Variants in PPP1R10 observed in about 807,000 individuals in gnomAD.
PPP1R10 encodes serine/threonine-protein phosphatase 1 regulatory subunit 10.
A neutral mutation model predicts 99.0 loss-of-function variants in PPP1R10; 15 were observed. That is an observed-to-expected ratio of 0.15 (90% CI 0.10 to 0.23). The LOEUF (loss-of-function observed/expected upper bound fraction) is 0.23, where lower values mean the gene tolerates loss of function less well. PPP1R10 is among the 10% of genes least tolerant of loss of function. PPP1R10 has a pLI of 1.00. For synonymous variants in PPP1R10, 430 were observed against 449.5 expected, an observed-to-expected ratio of 0.96 and a Z score of 0.55; for missense variants, 947 against 1,259.4, an observed-to-expected ratio of 0.75 and a Z score of 3.75.
Position 30,604,159 on chromosome 6 carries a change from C to A in PPP1R10, c.1357G>T (p.Asp453Tyr), listed in dbSNP as rs1157740347. 1 of 1,614,172 alleles carries A rather than the reference C, an allele frequency of 6.2e-7. No individual in the cohort carries two copies. Among genetic ancestry groups the A allele is most frequent in the Non-Finnish European group, 8.5e-7 (1 of 1,180,034 alleles). The change falls in exon 14 of 20, where the codon GAT (aspartate) becomes TAT (tyrosine). Residue 453 changes from aspartate (D) to tyrosine (Y), a missense_variant. Asp to Tyr is a radical substitution (Grantham distance 160, BLOSUM62 -3). Around this residue, in one of 10 missense-constraint regions of PPP1R10, gnomAD observed 50 missense variants for 78.6 expected, o/e 0.64. Transcript: ENST00000376511. The surrounding 1 kb of genome is among the most constrained non-coding windows in gnomAD (Gnocchi z 7.3). ...AFETARRLSH[D>Y]NMEEKVPWVC... ...CAGGGCACCTTCTCCTCCATGTTATCATGGCTCAGACGCCGCGCTGTCTCA... is the reference window on the plus strand; with the variant it reads ...CAGGGCACCTTCTCCTCCATGTTATAATGGCTCAGACGCCGCGCTGTCTCA...
rs1803996926 is a variant in PPP1R10 at position 30,606,758 on chromosome 6, A to G, written c.460+21T>C. On this transcript the variant is annotated intron_variant, in intron 7 of 19. Coordinates refer to ENST00000376511, the MANE Select transcript of PPP1R10 (RefSeq NM_002714.4). The surrounding 1 kb of genome is among the most constrained non-coding windows in gnomAD (Gnocchi z 6.3). ...AATAGGAAAGAAATAAATACAAAGG[A>G]TAAAGGACTAAGGAGCTTACCAGCA... 1.2e-6 allele frequency: 2 copies of G among 1,612,498 alleles called. No individual in the cohort carries two copies. The highest frequency in any genetic ancestry group is 1.7e-6 in the Non-Finnish European group (2 of 1,178,534).
chr6:30,610,456 C>A (rs1804447650), intron 2 of PPP1R10, among the ~76,000 whole-genome samples: 4 of 152,192 alleles, frequency 2.6e-5, no homozygotes, highest in Admixed American at 2.6e-4. Flanking sequence ...TCCTTTTTAT[C>A]TTAGCCCATT....
At chr6:30,603,183 T>C in intron 17 of PPP1R10, 27 bp downstream of exon 17, 1 of 1,590,342 alleles carries the variant, frequency 6.3e-7, no homozygotes, top group Non-Finnish European at 8.6e-7. Flanking sequence ...CCTCCCCCAG[T>C]CCCCTGGGGC....
Position 30,602,714 on chromosome 6 carries a change from G to C in PPP1R10, c.1958-23C>G. Reference sequence around the variant, plus strand: ...GACCTGTAAGGGGACAAAAAAGAGAGACAGTATCAGCTACCAGGAACTGCC... The same window carrying C: ...GACCTGTAAGGGGACAAAAAAGAGACACAGTATCAGCTACCAGGAACTGCC... On this transcript the variant is annotated intron_variant, in intron 18 of 19. Coordinates refer to ENST00000376511, the MANE Select transcript of PPP1R10 (RefSeq NM_002714.4). This position sits in a 1 kb window ranked among gnomAD's most constrained non-coding sequence, Gnocchi z 6.7. The C allele has an allele frequency of 6.2e-7, 1 of 1,601,702 alleles. No individual in the cohort carries two copies. The highest frequency in any genetic ancestry group is 8.5e-7 in the Non-Finnish European group (1 of 1,175,206).
Position 30,601,267 on chromosome 6 carries a change from T to A in PPP1R10, c.*282A>T, listed in dbSNP as rs1442572129. Reference sequence around the variant, plus strand: ...GGTAATACTGGAAAGGGGTTTGGGGTACAGGGCGAATCTTCTCAAAAAGTG... The same window carrying A: ...GGTAATACTGGAAAGGGGTTTGGGGAACAGGGCGAATCTTCTCAAAAAGTG... On this transcript the variant is annotated 3_prime_UTR_variant, in exon 20 of 20. Transcript: ENST00000376511. 4.2e-6 allele frequency: 2 copies of A among 477,280 alleles called. No homozygotes were observed. Among genetic ancestry groups the A allele is most frequent in the Non-Finnish European group, 7.5e-6 (2 of 267,810 alleles). The allele number at this position is 477,280 out of a possible 1,614,324, so 29.6% of individuals were successfully genotyped here.
In PPP1R10 at chr6:30,609,395, G is replaced by C. The variant is rs114938123; in HGVS notation, c.108-232C>G. ...TGGGGAGGAGAGCATCGCTGCCTCCGTAACACACAGGATGAATTCCATTCT... is the reference window on the plus strand; with the variant it reads ...TGGGGAGGAGAGCATCGCTGCCTCCCTAACACACAGGATGAATTCCATTCT... On this transcript the variant is annotated intron_variant, in intron 3 of 19. Coordinates refer to ENST00000376511, the MANE Select transcript of PPP1R10 (RefSeq NM_002714.4). This position sits in a 1 kb window ranked among gnomAD's most constrained non-coding sequence, Gnocchi z 4.5. 0.044 allele frequency among the ~76,000 whole-genome samples: 6,751 copies of C among 152,166 alleles called. 274 individuals carry two copies. Among genetic ancestry groups the C allele is most frequent in the African/African-American group, 0.11 (4,478 of 41,484 alleles).
rs202114050 is a variant in PPP1R10, at chr6:30,608,899, G to A, written c.210C>T (p.Gly70=). The change falls in exon 5 of 20, where the codon GGC becomes GGT. Residue 70 remains glycine (G), a synonymous_variant. Coordinates refer to ENST00000376511, the MANE Select transcript of PPP1R10 (RefSeq NM_002714.4). ...PEILVKFIDV[G]GYKLLNNWLT... ...GCCAATTGTTAAGAAGTTTGTAGCC[G>A]CCAACGTCAATAAATCTGCAGGCAG... is the stretch of plus-strand genomic sequence containing the variant. 1.8e-5 allele frequency: 29 copies of A among 1,614,110 alleles called. No individual in the cohort carries two copies. The East Asian group carries it at 2.9e-4, about 16-fold the overall frequency.
chr6:30,610,065 CTAAT>C (rs2127446851), intron 2 of PPP1R10, 110 bp from the exon 3 acceptor site: 3 of 697,266 alleles, frequency 4.3e-6, no homozygotes, highest in South Asian at 3.4e-5. Context: ...AGTATAATGA[CTAAT>C]TATTCAACTA....
chr6:30,601,493 G>C lies in PPP1R10; in HGVS notation c.*56C>G. 6.8e-7 allele frequency: 1 copy of C among 1,466,648 alleles called. No individual in the cohort carries two copies. Among genetic ancestry groups the C allele is most frequent in the East Asian group, 2.3e-5 (1 of 43,856 alleles). The allele number at this position is 1,466,648 out of a possible 1,614,324, so 90.9% of individuals were successfully genotyped here. On this transcript the variant is annotated 3_prime_UTR_variant, in exon 20 of 20. Coordinates refer to ENST00000376511, the MANE Select transcript of PPP1R10 (RefSeq NM_002714.4). Reference sequence around the variant, plus strand: ...GCCTCACAGAAGCCATAACAGGGTGGAAAGAGCGAGGCTGCAGTCCACAGG... The same window carrying C: ...GCCTCACAGAAGCCATAACAGGGTGCAAAGAGCGAGGCTGCAGTCCACAGG...
intron 2 of PPP1R10, among the ~76,000 whole-genome samples, chr6:30,613,553 T>C (rs967407797): frequency 2.6e-5 from 4 of 151,646 alleles, no homozygotes; most frequent in Admixed American, 6.6e-5. Context: ...CTCAGTCATT[T>C]TGCAAACCTG....
intron 2 of PPP1R10, among the ~76,000 whole-genome samples, chr6:30,612,118 C>A (rs960779256): frequency 1.3e-5 from 2 of 152,264 alleles, no homozygotes; most frequent in African/African-American, 2.4e-5. Flanking sequence ...CTCCCTCTCT[C>A]TATATATACA....
chr6:30,616,098 T>C (rs1172352072), intron 2 of PPP1R10, among the ~76,000 whole-genome samples: 1 of 152,216 alleles, frequency 6.6e-6, no homozygotes, highest in Non-Finnish European at 1.5e-5. Flanking sequence ...CTCTTGTATG[T>C]GAGCTCATTA....
intron 17 of PPP1R10, 84 bp downstream of exon 17, chr6:30,603,126 C>T: frequency 6.7e-7 from 1 of 1,499,850 alleles, no homozygotes; most frequent in Non-Finnish European, 9.3e-7. Context: ...GCCCTGTATT[C>T]TTCTGCATCT....
At chr6:30,615,226 T>C (rs1412229997) in intron 2 of PPP1R10, among the ~76,000 whole-genome samples, 1 of 138,408 alleles carries the variant, frequency 7.2e-6, no homozygotes, top group Non-Finnish European at 1.5e-5. Flanking sequence ...AACACCTTTT[T>C]AGTAAAAAAA....
Position 30,609,181 on chromosome 6 carries a change from G to A in PPP1R10, c.108-18C>T. Reference sequence around the variant, plus strand: ...TCATCAAACTGCAGAAGATGAGTTAGGGTTAGAAATGAAGCAGCCAGTATC... The same window carrying A: ...TCATCAAACTGCAGAAGATGAGTTAAGGTTAGAAATGAAGCAGCCAGTATC... On this transcript the variant is annotated intron_variant, in intron 3 of 19. Transcript: ENST00000376511. This position sits in a 1 kb window ranked among gnomAD's most constrained non-coding sequence, Gnocchi z 4.5. 6.2e-7 allele frequency: 1 copy of A among 1,612,252 alleles called. No individual in the cohort carries two copies. Among genetic ancestry groups the A allele is most frequent in the Admixed American group, 1.7e-5 (1 of 60,024 alleles).
At chr6:30,614,431 G>A (rs905869439) in intron 2 of PPP1R10, 1 of 152,094 alleles carries the variant, frequency 6.6e-6, no homozygotes, top group Non-Finnish European at 1.5e-5. Flanking sequence ...TCTTATCCTA[G>A]TACCAATGTA....
rs1248360841 is a variant in PPP1R10, at chr6:30,603,315, A to C, written c.1768-30T>G. 8 of 1,596,230 alleles carry C rather than the reference A, an allele frequency of 5.0e-6. No homozygotes were observed. The South Asian group carries it at 6.6e-5, about 13-fold the overall frequency. ...GAGGATGTAAGAAGGCAAAGTCAAC[A>C]GACAGAAAGGGTAACAACCATGGCG... On this transcript the variant is annotated intron_variant, in intron 16 of 19. Transcript: ENST00000376511.
At position 30,606,170 on chromosome 6, in the gene PPP1R10, G is replaced by A; in HGVS notation, c.708C>T (p.Tyr236=). 2 of 1,614,150 alleles carry A rather than the reference G, an allele frequency of 1.2e-6. No homozygotes were observed. The highest frequency in any genetic ancestry group is 1.7e-6 in the Non-Finnish European group (2 of 1,180,028). Residue 236 remains tyrosine (Y), a synonymous_variant, in exon 9 of 20, where the codon TAC becomes TAT. Transcript: ENST00000376511. The surrounding 1 kb of genome is among the most constrained non-coding windows in gnomAD (Gnocchi z 6.3). Reference sequence around the variant, plus strand: ...GTTTGAGGGGGATGGGTTTAAGGTTGTACTTGTCAGAAACCACCACTGTGC... The same window carrying A: ...GTTTGAGGGGGATGGGTTTAAGGTTATACTTGTCAGAAACCACCACTGTGC... The part of the protein sequence containing the change: ...NASTVVVSDK[Y]NLKPIPLKRQ...
Position 30,606,660 on chromosome 6 carries a change from G to A in PPP1R10, c.461-19C>T. 10 of 1,613,864 alleles carry A rather than the reference G, an allele frequency of 6.2e-6. No individual in the cohort carries two copies. The highest frequency in any genetic ancestry group is 7.6e-6 in the Non-Finnish European group (9 of 1,179,930). On this transcript the variant is annotated intron_variant, in intron 7 of 19. Transcript: ENST00000376511. This position sits in a 1 kb window ranked among gnomAD's most constrained non-coding sequence, Gnocchi z 6.3. ...TCTTTCTCTGTTGTGAAAAAACAAA[G>A]CAGAAAAGGATTTTATTTAGATGAA...
Sources: gnomAD v4.1 joint callset for allele counts (sites outside exome capture counted in the v4.1 genomes callset) on GRCh38, gnomAD v4.1.1 for gene constraint, gnomAD v4.1.1 regional missense constraint, Gnocchi (gnomAD v3.1) non-coding constraint, MANE v1.5 for transcripts, NCBI Gene and HGNC (gene_info 2026-07-23, HGNC 2026-07-21) for gene names.